IL6ST: variants seen among roughly 807,000 people sequenced by gnomAD.
IL6ST encodes interleukin 6 cytokine family signal transducer.
IL6ST carries 24 observed loss-of-function variants against 91.3 expected under a neutral mutation model. The observed-to-expected ratio is 0.26, with a 90% CI of 0.19 to 0.37. The LOEUF (loss-of-function observed/expected upper bound fraction) is 0.37, where lower values mean the gene tolerates loss of function less well. Ranked by LOEUF, IL6ST falls within the 10% of genes least tolerant of loss-of-function variation. IL6ST has a pLI of 1.00. For missense variants in IL6ST, 914 were observed against 1,078.5 expected, an observed-to-expected ratio of 0.85 and a Z score of 2.14; for synonymous variants, 351 against 373.6, an observed-to-expected ratio of 0.94 and a Z score of 0.70.
At position 55,969,753 on chromosome 5, in the gene IL6ST, T is replaced by C. The variant is rs779377073; in HGVS notation, c.167A>G (p.Asp56Gly). Residue 56 changes from aspartate to glycine, a missense_variant, in exon 4 of 17, where the codon GAT (aspartate) becomes GGT (glycine). By Grantham distance (94) the Asp-to-Gly change is moderately conservative. Coordinates refer to ENST00000381298, the MANE Select transcript of IL6ST (RefSeq NM_002184.4). ...AVCVLKEKCM[D>G]YFHVNANYIV... ...GTAATTAGCATTTACATGAAAATAA[T>C]CCATACATTTTTCCTTTAGCACACA... 2.1e-5 allele frequency: 34 copies of C among 1,610,986 alleles called. No individual in the cohort carries two copies. The highest frequency in any genetic ancestry group is 2.7e-5 in the Non-Finnish European group (32 of 1,177,266).
intron 8 of IL6ST, among the ~76,000 whole-genome samples, chr5:55,958,338 T>C (rs1402601958): frequency 1.3e-5 from 2 of 152,222 alleles, no homozygotes; most frequent in Non-Finnish European, 2.9e-5. Flanking sequence ...TCAAAACTTA[T>C]AATAGCCATT....
Position 55,969,757 on chromosome 5 carries a change from T to C in IL6ST, c.163A>G (p.Met55Val). 1 of 1,611,304 alleles carries C rather than the reference T, an allele frequency of 6.2e-7. No individual in the cohort carries two copies. Among genetic ancestry groups the C allele is most frequent in the Non-Finnish European group, 8.5e-7 (1 of 1,177,526 alleles). ...TAVCVLKEKC[M>V]DYFHVNANYI... ...TTAGCATTTACATGAAAATAATCCA[T>C]ACATTTTTCCTTTAGCACACAAACT... The change falls in exon 4 of 17, where the codon ATG becomes GTG. Residue 55 changes from methionine to valine, a missense_variant. Transcript: ENST00000381298.
In IL6ST at chr5:55,954,974, T is replaced by G. The variant is rs1324786984; in HGVS notation, c.1286A>C (p.Asp429Ala). 2.5e-6 allele frequency: 4 copies of G among 1,608,070 alleles called. No individual in the cohort carries two copies. Among genetic ancestry groups the G allele is most frequent in the Non-Finnish European group, 2.5e-6 (3 of 1,176,620 alleles). Residue 429 changes from aspartate to alanine, a missense_variant, in exon 11 of 17, where the codon GAT becomes GCT. Asp to Ala is a moderately radical substitution (Grantham distance 126). Transcript: ENST00000381298. ...CDFQATHPVM[D>A]LKAFPKDNML... is the part of the protein sequence containing the mutation. ...GTTATCTTTGGGGAATGCTTTAAGA[T>G]CCATTACAGGGTGAGTAGCTTTAAA...
intron 5 of IL6ST, 124 bp downstream of exon 5, chr5:55,968,152 T>C: frequency 2.1e-6 from 2 of 940,566 alleles, no homozygotes; most frequent in Non-Finnish European, 3.1e-6. Flanking sequence ...ATTTGAAATG[T>C]TACAGAATAA....
At chr5:55,944,035 G>A (rs1751086193) in intron 15 of IL6ST, among the ~76,000 whole-genome samples, 1 of 152,106 alleles carries the variant, frequency 6.6e-6, no homozygotes, top group Non-Finnish European at 1.5e-5. Context: ...CCAAGATTGT[G>A]CCACTGCACT....
At chr5:55,983,739 A>C (rs112973275) in intron 1 of IL6ST, among the ~76,000 whole-genome samples, 1 of 152,228 alleles carries the variant, frequency 6.6e-6, no homozygotes, top group Non-Finnish European at 1.5e-5. Context: ...AGAGATAACT[A>C]CCATGAACAT....
chr5:55,959,354 G>A (rs1158701399), intron 8 of IL6ST, among the ~76,000 whole-genome samples: 1 of 152,150 alleles, frequency 6.6e-6, no homozygotes, highest in Non-Finnish European at 1.5e-5. Flanking sequence ...CAAGTCACAT[G>A]ACCTAAACCT....
intron 1 of IL6ST, among the ~76,000 whole-genome samples, chr5:55,987,337 C>G (rs757030008): frequency 6.6e-6 from 1 of 152,162 alleles, no homozygotes; most frequent in African/African-American, 2.4e-5. Context: ...TGAATGCTAA[C>G]AAGTATTTAG....
rs1407852577 is a variant in IL6ST, at chr5:55,937,608, T to C, written c.*3474A>G. 7 of 199,914 alleles carry C rather than the reference T, an allele frequency of 3.5e-5. No homozygotes were observed. Among genetic ancestry groups the C allele is most frequent in the Admixed American group, 6.0e-5 (1 of 16,592 alleles). The allele number at this position is 199,914 out of a possible 1,614,324, so 12.4% of individuals were successfully genotyped here. On this transcript the variant is annotated 3_prime_UTR_variant, in exon 17 of 17. Coordinates refer to ENST00000381298, the MANE Select transcript of IL6ST (RefSeq NM_002184.4). ...ACAATGTCCAATTTTAGGCTAATCC[T>C]AAAACACTTGCCATTTTATGACTCC...
intron 2 of IL6ST, among the ~76,000 whole-genome samples, chr5:55,976,977 TA>T (rs1753329534): frequency 6.6e-6 from 1 of 152,040 alleles, no homozygotes; most frequent in African/African-American, 2.4e-5. Context: ...CTCCCCAAAA[TA>T]AAAACATATG....
chr5:55,953,016 G>A (rs916012191), intron 11 of IL6ST, among the ~76,000 whole-genome samples: 3 of 151,748 alleles, frequency 2.0e-5, no homozygotes, highest in African/African-American at 4.9e-5. Context: ...AGCCGAGATC[G>A]CACCACTGCA....
chr5:55,973,514 G>A (rs745814163), intron 3 of IL6ST, among the ~76,000 whole-genome samples: 9 of 152,308 alleles, frequency 5.9e-5, no homozygotes, highest in Non-Finnish European at 1.0e-4. Context: ...AAGAGGCCAC[G>A]TATGGTGTTT....
At chr5:55,973,189 T>C (rs1160414785) in intron 3 of IL6ST, among the ~76,000 whole-genome samples, 2 of 152,188 alleles carry the variant, frequency 1.3e-5, no homozygotes, top group African/African-American at 2.4e-5. Flanking sequence ...AAGTAGAATA[T>C]GCTGAAGTGC....
intron 1 of IL6ST, among the ~76,000 whole-genome samples, chr5:55,993,098 G>A (rs1001132802): frequency 6.6e-6 from 1 of 152,170 alleles, no homozygotes; most frequent in African/African-American, 2.4e-5. Flanking sequence ...TGCTTCTCTA[G>A]GAGCCAAGCT....
At chr5:55,950,534 T>TC (rs1271612139) in intron 14 of IL6ST, among the ~76,000 whole-genome samples, 1 of 29,466 alleles carries the variant, frequency 3.4e-5, no homozygotes, top group Non-Finnish European at 5.9e-5. Context: ...AGACTCTGTC[T>TC]CAAAAAAAAA....
At position 55,936,372 on chromosome 5, in the gene IL6ST, A is replaced by G; in HGVS notation, c.*4710T>C. 5.3e-6 allele frequency: 1 copy of G among 188,076 alleles called. No individual in the cohort carries two copies. 11.7% of individuals were successfully genotyped at this position (188,076 alleles called of 1,614,324 possible). On this transcript the variant is annotated 3_prime_UTR_variant, in exon 17 of 17. Coordinates refer to ENST00000381298, the MANE Select transcript of IL6ST (RefSeq NM_002184.4). ...TTTTTTTTTTTTTTTTTTAATGTCC[A>G]CTAGGAGGGAGGATGCTACGATTTC...
At chr5:55,971,632 C>T (rs1202617643) in intron 3 of IL6ST, among the ~76,000 whole-genome samples, 1 of 151,962 alleles carries the variant, frequency 6.6e-6, no homozygotes, top group East Asian at 1.9e-4. Flanking sequence ...CTAGCCTGGG[C>T]AACATGGCAA....
chr5:55,967,197 C>T (rs1449698042), intron 5 of IL6ST, among the ~76,000 whole-genome samples: 1 of 150,814 alleles, frequency 6.6e-6, no homozygotes, highest in Non-Finnish European at 1.5e-5. Context: ...GTAATCCCAG[C>T]TACTCAGGAG....
At chr5:55,952,578 A>G (rs1158144549) in intron 11 of IL6ST, among the ~76,000 whole-genome samples, 2 of 152,216 alleles carry the variant, frequency 1.3e-5, no homozygotes, top group East Asian at 3.8e-4. Flanking sequence ...GTTAAGAACA[A>G]TGATGGTATT....
Sources: allele counts gnomAD v4.1 joint callset (sites outside exome capture counted in the v4.1 genomes callset), GRCh38; gene constraint gnomAD v4.1.1; transcripts MANE v1.5; gene names NCBI Gene and HGNC (gene_info 2026-07-23, HGNC 2026-07-21).